SGCZ: variants seen among roughly 807,000 people sequenced by gnomAD.
SGCZ encodes sarcoglycan zeta.
Under a neutral mutation model 41.3 loss-of-function variants are expected in SGCZ, and 40 were observed. The observed-to-expected ratio is 0.97, with a 90% CI of 0.75 to 1.26. SGCZ has a LOEUF of 1.26. Among genes scored for constraint, SGCZ ranks in the 50% most tolerant of loss-of-function variants. SGCZ has a pLI of 0.00. For synonymous variants in SGCZ, 206 were observed against 137.5 expected (o/e 1.50, Z -3.49); for missense variants, 552 against 369.8 (o/e 1.49, Z -4.04).
chr8:14,320,479 C>T (rs1169990268), intron 3 of SGCZ, among the ~76,000 whole-genome samples: 1 of 150,594 alleles, frequency 6.6e-6, no homozygotes, highest in African/African-American at 2.4e-5. Flanking sequence ...TATTATTATA[C>T]TTTAAGTTCT....
chr8:14,967,890 G>A (rs1440007900), intron 1 of SGCZ, among the ~76,000 whole-genome samples: 1 of 152,140 alleles, frequency 6.6e-6, no homozygotes, highest in Non-Finnish European at 1.5e-5. Context: ...GAGGTGAACA[G>A]CCCTACTCCA....
At chr8:15,189,610 G>A (rs543349286) in intron 1 of SGCZ, among the ~76,000 whole-genome samples, 12 of 151,640 alleles carry the variant, frequency 7.9e-5, no homozygotes, top group African/African-American at 2.9e-4. Context: ...GCCCAGGCTA[G>A]AGCGCAATGG....
chr8:15,008,514 T>A (rs1802688386), intron 1 of SGCZ, among the ~76,000 whole-genome samples: 1 of 92,824 alleles, frequency 1.1e-5, no homozygotes. Context: ...TAACTGGGCC[T>A]GTATAAAGGG....
chr8:14,808,935 A>G (rs1414333146), intron 1 of SGCZ, among the ~76,000 whole-genome samples: 3 of 151,750 alleles, frequency 2.0e-5, no homozygotes, highest in East Asian at 3.9e-4. Context: ...TTGTAGGGAC[A>G]TGGATGAAAT....
intron 1 of SGCZ, among the ~76,000 whole-genome samples, chr8:14,985,301 G>C (rs775911693): frequency 3.3e-5 from 5 of 152,066 alleles, no homozygotes; most frequent in Non-Finnish European, 5.9e-5. Context: ...ACTGAAGCTG[G>C]TGACAGCATT....
At chr8:14,869,591 C>T (rs1456386057) in intron 1 of SGCZ, among the ~76,000 whole-genome samples, 1 of 152,124 alleles carries the variant, frequency 6.6e-6, no homozygotes, top group African/African-American at 2.4e-5. Flanking sequence ...CTGTCCAGGG[C>T]AATCAGGCAA....
At chr8:14,255,090 T>G (rs1306544807) in intron 3 of SGCZ, among the ~76,000 whole-genome samples, 1 of 152,130 alleles carries the variant, frequency 6.6e-6, no homozygotes, top group Non-Finnish European at 1.5e-5. Flanking sequence ...GATAATTCTC[T>G]CTCTCGTCTC....
At chr8:14,295,718 C>A (rs1800987140) in intron 3 of SGCZ, among the ~76,000 whole-genome samples, 1 of 152,002 alleles carries the variant, frequency 6.6e-6, no homozygotes, top group Non-Finnish European at 1.5e-5. Context: ...GGTTTTCTGC[C>A]TGAGGTACTT....
chr8:14,210,038 C>G (rs1469508360), intron 4 of SGCZ, among the ~76,000 whole-genome samples: 1 of 151,680 alleles, frequency 6.6e-6, no homozygotes, highest in South Asian at 2.1e-4. Flanking sequence ...GTTATCTACA[C>G]TATTAAGTTT....
intron 1 of SGCZ, among the ~76,000 whole-genome samples, chr8:14,713,630 T>C (rs552437941): frequency 2.7e-4 from 40 of 147,206 alleles, no homozygotes; most frequent in Non-Finnish European, 5.5e-4. Context: ...ATAGAATTGA[T>C]CAGGAAATAA....
intron 2 of SGCZ, among the ~76,000 whole-genome samples, chr8:14,506,272 C>T (rs892500468): frequency 6.6e-6 from 1 of 152,100 alleles, no homozygotes; most frequent in Non-Finnish European, 1.5e-5. Flanking sequence ...GCATGGAAAA[C>T]TTGTGTTCAT....
At chr8:14,549,373 G>T (rs1803730774) in intron 2 of SGCZ, among the ~76,000 whole-genome samples, 1 of 152,046 alleles carries the variant, frequency 6.6e-6, no homozygotes, top group South Asian at 2.1e-4. Flanking sequence ...CTTGAGTAAT[G>T]CCACTTTGTT....
At chr8:15,201,512 A>T (rs112941584) in intron 1 of SGCZ, among the ~76,000 whole-genome samples, 92 of 152,342 alleles carry the variant, frequency 6.0e-4, no homozygotes, top group African/African-American at 2.0e-3. Context: ...CAGAGGACAC[A>T]AGATTAATAA....
At chr8:14,991,636 C>T (rs1802018135) in intron 1 of SGCZ, among the ~76,000 whole-genome samples, 1 of 152,118 alleles carries the variant, frequency 6.6e-6, no homozygotes, top group African/African-American at 2.4e-5. Context: ...TCTAGAATTC[C>T]TTGTGTTAGT....
At chr8:14,800,016 G>A (rs888706268) in intron 1 of SGCZ, among the ~76,000 whole-genome samples, 10 of 152,070 alleles carry the variant, frequency 6.6e-5, no homozygotes, top group African/African-American at 2.4e-4. Flanking sequence ...GTAGATAATT[G>A]GTAAACCACT....
chr8:14,521,924 A>C (rs1802802526), intron 2 of SGCZ, among the ~76,000 whole-genome samples: 1 of 152,042 alleles, frequency 6.6e-6, no homozygotes, highest in Non-Finnish European at 1.5e-5. Context: ...CAATTTAAGG[A>C]AGTTTCTCTC....
chr8:14,736,282 G>C (rs929663123), intron 1 of SGCZ, among the ~76,000 whole-genome samples: 5 of 151,994 alleles, frequency 3.3e-5, no homozygotes, highest in Admixed American at 1.3e-4. Context: ...TGTGTAACTG[G>C]ATCATCATCA....
intron 1 of SGCZ, among the ~76,000 whole-genome samples, chr8:15,173,115 C>G (rs1199604307): frequency 2.0e-5 from 3 of 152,140 alleles, no homozygotes; most frequent in Non-Finnish European, 4.4e-5. Context: ...GCAGTAAATC[C>G]AGTATTGAAA....
At chr8:14,650,154 G>C (rs1380538031) in intron 1 of SGCZ, among the ~76,000 whole-genome samples, 1 of 151,906 alleles carries the variant, frequency 6.6e-6, no homozygotes, top group East Asian at 1.9e-4. Context: ...TGTTTGTTTT[G>C]TTCTGTTTTG....
Sources: gnomAD v4.1 joint callset for allele counts (sites outside exome capture counted in the v4.1 genomes callset) on GRCh38, gnomAD v4.1.1 for gene constraint, MANE v1.5 for transcripts, NCBI Gene and HGNC (gene_info 2026-07-23, HGNC 2026-07-21) for gene names.